The following KBTBD11 variants were observed in gnomAD, a reference collection of about 807,000 sequenced individuals.
KBTBD11 encodes the protein kelch repeat and BTB domain containing 11.
For synonymous variants in KBTBD11, 747 were observed against 499.0 expected (o/e 1.50, Z -6.63); for missense variants, 1,390 against 1,001.8 (o/e 1.39, Z -5.23).
chr8:1,989,046 A>G (rs1382270084), intron 1 of KBTBD11, among the ~76,000 whole-genome samples: 1 of 152,126 alleles, frequency 6.6e-6, no homozygotes, highest in African/African-American at 2.4e-5. Flanking sequence ...AGTTGACCCA[A>G]ACATTGCTCA....
At chr8:1,976,288 T>A (rs1816340726) in intron 1 of KBTBD11, 1 of 148,822 alleles carries the variant, frequency 6.7e-6, no homozygotes. Context: ...CTTGAGTTTG[T>A]TTTTTTTTTC....
chr8:2,002,360 G>A lies in KBTBD11; in HGVS notation c.1168G>A (p.Asp390Asn). The change falls in exon 2 of 2, where the codon GAC (aspartate) becomes AAC (asparagine). Residue 390 changes from aspartate (D) to asparagine (N), a missense_variant. Coordinates refer to ENST00000320248, the MANE Select transcript of KBTBD11 (RefSeq NM_014867.3). This position sits in a 1 kb window ranked among gnomAD's most constrained non-coding sequence, Gnocchi z 4.1. ...DQVFCYNPAT[D>N]SWSAVRPLRQ... is the part of the protein sequence containing the mutation. ...GGTCTTCTGCTACAACCCGGCCACG[G>A]ACAGCTGGAGCGCCGTGAGGCCCCT... The A allele has an allele frequency of 6.8e-7, 1 of 1,471,376 alleles. No homozygotes were observed. Among genetic ancestry groups the A allele is most frequent in the Non-Finnish European group, 9.0e-7 (1 of 1,116,998 alleles). 91.1% of individuals were successfully genotyped at this position (1,471,376 alleles called of 1,614,324 possible).
At chr8:1,991,488 GTGC>G (rs1171965597) in intron 1 of KBTBD11, among the ~76,000 whole-genome samples, 1 of 152,238 alleles carries the variant, frequency 6.6e-6, no homozygotes, top group East Asian at 1.9e-4. Context: ...TTTCTGCTGT[GTGC>G]ATTGTTTCTT....
rs536817988 is a variant in KBTBD11, at chr8:2,000,786, TCAGGCTGCAGAGAGAGACACCTGGTCACC to T, written c.-395_-367del. 1,333 of 180,362 alleles carry T rather than the reference TCAGGCTGCAGAGAGAGACACCTGGTCACC, an allele frequency of 7.4e-3. 12 individuals are homozygous for T. The highest frequency in any genetic ancestry group is 0.011 in the Non-Finnish European group (941 of 86,824). 11.2% of individuals were successfully genotyped at this position (180,362 alleles called of 1,614,324 possible). A position where few individuals can be genotyped will look rare whatever the true frequency, so the allele number is the denominator to read the frequency against. On this transcript the variant is annotated 5_prime_UTR_variant, in exon 2 of 2. Transcript: ENST00000320248. Reference sequence around the variant, plus strand: ...GTTGCAAAGAGGGATAGCTAGTCACTCAGGCTGCAGAGAGAGACACCTGGTCACCCAGGCTGCAGAAACAACCGCAGTCA... The same window carrying T: ...GTTGCAAAGAGGGATAGCTAGTCACTCAGGCTGCAGAAACAACCGCAGTCA...
At position 2,002,755 on chromosome 8, in the gene KBTBD11, G is replaced by A. The variant is rs1817437505; in HGVS notation, c.1563G>A (p.Gly521=). The part of the protein sequence containing the change: ...RGEAQAAGPS[G]VSVSRYHCLA... Reference sequence around the variant, plus strand: ...AGGCGCAGGCGGCGGGGCCGAGCGGGGTCAGCGTGTCCCGATACCACTGCC... The same window carrying A: ...AGGCGCAGGCGGCGGGGCCGAGCGGAGTCAGCGTGTCCCGATACCACTGCC... Residue 521 remains glycine (G), a synonymous_variant, in exon 2 of 2, where the codon GGG becomes GGA. Coordinates refer to ENST00000320248, the MANE Select transcript of KBTBD11 (RefSeq NM_014867.3). The surrounding 1 kb of genome is among the most constrained non-coding windows in gnomAD (Gnocchi z 4.1). 2 of 1,490,474 alleles carry A rather than the reference G, an allele frequency of 1.3e-6. No individual in the cohort carries two copies. Among genetic ancestry groups the A allele is most frequent in the Non-Finnish European group, 1.8e-6 (2 of 1,127,492 alleles). The allele number at this position is 1,490,474 out of a possible 1,614,324, so 92.3% of individuals were successfully genotyped here. A position where few individuals can be genotyped will look rare whatever the true frequency, so the allele number is the denominator to read the frequency against.
rs1365585772 is a variant in KBTBD11 at position 1,997,741 on chromosome 8, A to G, written c.-908-2544A>G. ...CTTTTGCCTGTGGCAGGTGATCTCA[A>G]TGCAGTGGTGTCTGAGAGGCCTTGT... is the stretch of plus-strand genomic sequence containing the variant. On this transcript the variant is annotated intron_variant, in intron 1 of 1. Coordinates refer to ENST00000320248, the MANE Select transcript of KBTBD11 (RefSeq NM_014867.3). 2.0e-5 allele frequency among the ~76,000 whole-genome samples: 3 copies of G among 152,234 alleles called. No individual in the cohort carries two copies. The East Asian group carries it at 5.8e-4, about 29-fold the overall frequency.
intron 1 of KBTBD11, among the ~76,000 whole-genome samples, chr8:1,992,434 C>A (rs1366351355): frequency 6.7e-6 from 1 of 148,420 alleles, no homozygotes; most frequent in Non-Finnish European, 1.5e-5. Flanking sequence ...GGGGAGCGAG[C>A]TCGGTGGAGG....
chr8:1,999,222 A>C (rs528920867), intron 1 of KBTBD11, among the ~76,000 whole-genome samples: 1 of 152,340 alleles, frequency 6.6e-6, no homozygotes, highest in Admixed American at 6.5e-5. Flanking sequence ...ATTTCTGAGA[A>C]TACTGGGAAA....
In KBTBD11 at chr8:2,001,867, C is replaced by T. The variant is rs1250264915; in HGVS notation, c.675C>T (p.Asp225=). 3 of 1,309,148 alleles carry T rather than the reference C, an allele frequency of 2.3e-6. No individual in the cohort carries two copies. In the African/African-American group the frequency reaches 4.7e-5, roughly 20 times the overall value. 81.1% of individuals were successfully genotyped at this position (1,309,148 alleles called of 1,614,324 possible). Residue 225 remains aspartate (D), a synonymous_variant, in exon 2 of 2, where the codon GAC becomes GAT. Transcript: ENST00000320248. The part of the protein sequence containing the change: ...QLPGAAQRAT[D]AVGPQLSLAN... ...CCGGCGCCGCGCAGCGCGCCACCGA[C>T]GCCGTGGGGCCGCAGCTGAGCCTGG...
intron 1 of KBTBD11, among the ~76,000 whole-genome samples, chr8:1,989,845 C>G (rs1345320931): frequency 6.7e-6 from 1 of 149,810 alleles, no homozygotes; most frequent in Non-Finnish European, 1.5e-5. Context: ...ACCTCTTAAA[C>G]TTGTGACCAG....
At chr8:1,995,098 A>G (rs1817087686) in intron 1 of KBTBD11, among the ~76,000 whole-genome samples, 1 of 150,550 alleles carries the variant, frequency 6.6e-6, no homozygotes, top group East Asian at 2.0e-4. Flanking sequence ...AAGAGTATAT[A>G]CATTGTGCTG....
intron 1 of KBTBD11, among the ~76,000 whole-genome samples, chr8:1,979,228 C>G (rs1162370252): frequency 6.6e-6 from 1 of 152,186 alleles, no homozygotes; most frequent in African/African-American, 2.4e-5. Flanking sequence ...TCCTCGGGAA[C>G]CTCCGCCTTT....
chr8:1,989,909 C>A (rs909811919), intron 1 of KBTBD11, among the ~76,000 whole-genome samples: 3 of 136,420 alleles, frequency 2.2e-5, no homozygotes, highest in Admixed American at 7.9e-5. Flanking sequence ...GAACAGATAA[C>A]GATGTCTCAG....
At chr8:1,986,368 C>T (rs1445163180) in intron 1 of KBTBD11, among the ~76,000 whole-genome samples, 2 of 152,174 alleles carry the variant, frequency 1.3e-5, no homozygotes, top group African/African-American at 4.8e-5. Flanking sequence ...AAGTAGGAGA[C>T]GGGTTTCTGC....
At chr8:1,989,646 C>G (rs992116182) in intron 1 of KBTBD11, among the ~76,000 whole-genome samples, 4 of 152,206 alleles carry the variant, frequency 2.6e-5, no homozygotes, top group African/African-American at 9.7e-5. Flanking sequence ...AGTTTCACAG[C>G]TGAGGTGTCC....
intron 1 of KBTBD11, among the ~76,000 whole-genome samples, chr8:1,992,103 C>T (rs995758539): frequency 3.9e-5 from 6 of 152,048 alleles, no homozygotes; most frequent in South Asian, 2.1e-4. Context: ...ACCCAGGACA[C>T]GCACTCCTGG....
In KBTBD11 at chr8:2,001,963, C is replaced by T. The variant is rs771953025; in HGVS notation, c.771C>T (p.Cys257=). 1.6e-5 allele frequency: 24 copies of T among 1,473,446 alleles called. No homozygotes were observed. The highest frequency in any genetic ancestry group is 2.2e-5 in the Non-Finnish European group (24 of 1,109,544). The allele number at this position is 1,473,446 out of a possible 1,614,324, so 91.3% of individuals were successfully genotyped here. Residue 257 remains cysteine, a synonymous_variant, in exon 2 of 2, where the codon TGC becomes TGT. Coordinates refer to ENST00000320248, the MANE Select transcript of KBTBD11 (RefSeq NM_014867.3). ...RLNELRDAAY[C]FMSDHYLEVL... The stretch of plus-strand genomic sequence containing the variant: ...ACGAGCTGCGCGACGCCGCCTACTG[C>T]TTCATGAGCGACCACTATCTGGAGG...
intron 1 of KBTBD11, among the ~76,000 whole-genome samples, chr8:1,995,029 A>G (rs1817080524): frequency 6.8e-6 from 1 of 147,594 alleles, no homozygotes; most frequent in Non-Finnish European, 1.5e-5. Flanking sequence ...ATTGCACTAC[A>G]GCCTGGGGAA....
intron 1 of KBTBD11, among the ~76,000 whole-genome samples, chr8:1,991,772 C>T (rs1023923227): frequency 2.6e-5 from 4 of 151,856 alleles, no homozygotes; most frequent in Non-Finnish European, 5.9e-5. Flanking sequence ...GTGAGTGGGC[C>T]TTCTCGTTTT....
Sources: gnomAD v4.1 joint callset for allele counts (sites outside exome capture counted in the v4.1 genomes callset) on GRCh38, gnomAD v4.1.1 for gene constraint, Gnocchi (gnomAD v3.1) non-coding constraint, MANE v1.5 for transcripts, NCBI Gene and HGNC (gene_info 2026-07-23, HGNC 2026-07-21) for gene names.